ACYP2: variants seen among roughly 807,000 people sequenced by gnomAD.
The protein encoded by ACYP2 is acylphosphatase-2.
Under a neutral mutation model 11.2 loss-of-function variants are expected in ACYP2, and 12 were observed. That is an observed-to-expected ratio of 1.08 (90% CI 0.69 to 1.74). ACYP2 has a LOEUF of 1.74. ACYP2 is among the 40% of genes most tolerant of loss of function. ACYP2 has a pLI of 0.00. For synonymous variants in ACYP2, 43 were observed against 32.2 expected, an observed-to-expected ratio of 1.33 and a Z score of -1.13; for missense variants, 134 against 101.9, an observed-to-expected ratio of 1.31 and a Z score of -1.35.
intron 2 of ACYP2, among the ~76,000 whole-genome samples, chr2:54,050,192 G>A (rs920984588): frequency 6.6e-6 from 1 of 151,906 alleles, no homozygotes; most frequent in Non-Finnish European, 1.5e-5. Context: ...TTCATGAACA[G>A]TCTAAAAAAT....
chr2:54,148,175 A>T (rs13425290), intron 6 of ACYP2, among the ~76,000 whole-genome samples: 2,084 of 152,196 alleles, frequency 0.014, 57 homozygotes, highest in African/African-American at 0.048. Context: ...CTTGTGTTCC[A>T]TTGGCTCAAA....
chr2:54,161,111 C>T (rs1682691662), intron 6 of ACYP2, among the ~76,000 whole-genome samples: 1 of 152,116 alleles, frequency 6.6e-6, no homozygotes, highest in African/African-American at 2.4e-5. Context: ...GTTCATAAGC[C>T]CTCCAGGTGA....
intron 6 of ACYP2, among the ~76,000 whole-genome samples, chr2:54,237,685 G>A (rs1378635780): frequency 6.6e-6 from 1 of 152,006 alleles, no homozygotes; most frequent in African/African-American, 2.4e-5. Flanking sequence ...CTTTTAATAT[G>A]TCTTCTATAA....
At chr2:54,096,127 C>G (rs1310824063) in intron 4 of ACYP2, among the ~76,000 whole-genome samples, 1 of 141,502 alleles carries the variant, frequency 7.1e-6, no homozygotes, top group Non-Finnish European at 1.5e-5. Flanking sequence ...GGGGTGGCTG[C>G]TGGGCGGAGG....
In ACYP2 at chr2:54,261,895, A is replaced by C. The variant is rs184068123; in HGVS notation, c.405-42793A>C. Among the ~76,000 whole-genome samples the C allele has an allele frequency of 2.0e-5, 3 of 152,350 alleles. No homozygotes were observed. The East Asian group carries it at 5.8e-4, about 29-fold the overall frequency. On this transcript the variant is annotated intron_variant, in intron 6 of 6. Coordinates refer to ENST00000607452, the MANE Select transcript of ACYP2 (RefSeq NM_001320586.2). ...GTTTGTGAAGGAAATGGTCAAAAAG[A>C]AGTTTTAAGTGATTAACCAAGTAGC...
chr2:54,289,666 A>G (rs767034596), intron 6 of ACYP2, among the ~76,000 whole-genome samples: 1 of 151,932 alleles, frequency 6.6e-6, no homozygotes, highest in Non-Finnish European at 1.5e-5. Flanking sequence ...TAAAAGTACC[A>G]TTTACAGGCA....
intron 2 of ACYP2, among the ~76,000 whole-genome samples, chr2:54,028,456 C>G (rs1365531910): frequency 1.3e-5 from 2 of 152,180 alleles, no homozygotes; most frequent in East Asian, 3.9e-4. Flanking sequence ...TTATTTTTCT[C>G]TCTGTAAACA....
At chr2:54,075,469 T>G in intron 4 of ACYP2, among the ~76,000 whole-genome samples, 1 of 145,938 alleles carries the variant, frequency 6.9e-6, no homozygotes, top group African/African-American at 2.6e-5. Context: ...CTGCATCCTA[T>G]CCTGGGTGAC....
At chr2:54,066,363 C>G (rs573179051) in intron 4 of ACYP2, among the ~76,000 whole-genome samples, 9 of 152,342 alleles carry the variant, frequency 5.9e-5, no homozygotes, top group African/African-American at 1.9e-4. Flanking sequence ...CCTCGCCAGA[C>G]ATGCAGAACT....
At chr2:54,132,340 C>G (rs1680951880) in intron 4 of ACYP2, among the ~76,000 whole-genome samples, 1 of 152,172 alleles carries the variant, frequency 6.6e-6, no homozygotes, top group South Asian at 2.1e-4. Context: ...CTTTCTGATT[C>G]TCTTTCAGAT....
chr2:54,271,349 T>C (rs1688291943), intron 6 of ACYP2, among the ~76,000 whole-genome samples: 1 of 152,208 alleles, frequency 6.6e-6, no homozygotes, highest in African/African-American at 2.4e-5. Context: ...ACTTCCCCAA[T>C]TGCGCCCATA....
chr2:54,263,608 G>C (rs1687876029), intron 6 of ACYP2, among the ~76,000 whole-genome samples: 1 of 151,206 alleles, frequency 6.6e-6, no homozygotes, highest in Non-Finnish European at 1.5e-5. Flanking sequence ...GGGTGACATA[G>C]TGACACACCC....
chr2:54,240,896 T>C (rs1055580182), intron 6 of ACYP2, among the ~76,000 whole-genome samples: 1 of 152,240 alleles, frequency 6.6e-6, no homozygotes, highest in African/African-American at 2.4e-5. Context: ...TACTTTACTT[T>C]AGTAATTTTA....
chr2:54,208,545 C>T (rs1685194051), intron 6 of ACYP2, among the ~76,000 whole-genome samples: 1 of 152,040 alleles, frequency 6.6e-6, no homozygotes, highest in Non-Finnish European at 1.5e-5. Context: ...AGGAAATTAG[C>T]TTTTGTCCAG....
At chr2:54,026,827 G>A (rs556340836) in intron 2 of ACYP2, among the ~76,000 whole-genome samples, 54 of 149,554 alleles carry the variant, frequency 3.6e-4, no homozygotes, top group African/African-American at 1.2e-3. Flanking sequence ...AACATCGTAT[G>A]TTCTCACTTA....
rs1175908439 is a variant in ACYP2 at position 53,999,414 on chromosome 2, C to T, written c.62+25604C>T. ...AGGAGTCCCACTTAGTGAGTGAAAT[C>T]TTAGAGGGCCCATCTGAGGATAGCA... On this transcript the variant is annotated intron_variant, in intron 2 of 6. Transcript: ENST00000607452. Among the ~76,000 whole-genome samples the T allele has an allele frequency of 2.6e-5, 4 of 152,162 alleles. No individual in the cohort carries two copies. In the East Asian group the frequency reaches 7.7e-4, roughly 29 times the overall value.
chr2:54,276,646 CACACACACACACACACCA>C (rs1558662856), intron 6 of ACYP2, among the ~76,000 whole-genome samples: 3 of 113,868 alleles, frequency 2.6e-5, no homozygotes, highest in African/African-American at 1.2e-4. Flanking sequence ...CACACACACA[CACACACACACACACACCA>C]CACACAAGAA....
chr2:54,254,872 T>C, intron 6 of ACYP2: 1 of 1,571,018 alleles, frequency 6.4e-7, no homozygotes, highest in East Asian at 2.2e-5. Flanking sequence ...CAGGTCCAGC[T>C]GGTGGTGGCA....
intron 2 of ACYP2, among the ~76,000 whole-genome samples, chr2:53,990,675 A>C (rs1273590026): frequency 6.6e-6 from 1 of 151,902 alleles, no homozygotes; most frequent in Non-Finnish European, 1.5e-5. Context: ...AAAGAAAAAA[A>C]AAGAAAAAGA....
Sources: allele counts gnomAD v4.1 joint callset (sites outside exome capture counted in the v4.1 genomes callset), GRCh38; gene constraint gnomAD v4.1.1; transcripts MANE v1.5; gene names NCBI Gene and HGNC (gene_info 2026-07-23, HGNC 2026-07-21).